Variants in STOX2 observed in about 807,000 individuals in gnomAD.
STOX2 encodes the protein storkhead box 2, also known as storkhead-box protein 2.
A neutral mutation model predicts 60.9 loss-of-function variants in STOX2; 28 were observed. The observed-to-expected ratio is 0.46, with a 90% CI of 0.34 to 0.63. The LOEUF (loss-of-function observed/expected upper bound fraction) is 0.63. STOX2 is among the 30% of genes least tolerant of loss of function. The pLI, the probability that STOX2 is intolerant of heterozygous loss-of-function variation, is 0.01. For synonymous variants in STOX2, 472 were observed against 463.9 expected, an observed-to-expected ratio of 1.02 and a Z score of -0.22; for missense variants, 1,024 against 1,187.7, an observed-to-expected ratio of 0.86 and a Z score of 2.03.
intron 1 of STOX2, among the ~76,000 whole-genome samples, chr4:183,833,899 G>T (rs10006756): frequency 1.7e-4 from 26 of 149,760 alleles, no homozygotes; most frequent in African/African-American, 5.9e-4. Flanking sequence ...GGAGAATGGC[G>T]TGAACCCGGG....
At chr4:183,891,598 G>A (rs1225157714) in intron 1 of STOX2, among the ~76,000 whole-genome samples, 3 of 151,342 alleles carry the variant, frequency 2.0e-5, no homozygotes, top group Non-Finnish European at 4.4e-5. Context: ...GGACTTTGGG[G>A]ACTTGGGAGG....
intron 1 of STOX2, among the ~76,000 whole-genome samples, chr4:183,971,437 T>C (rs1467197765): frequency 1.3e-5 from 2 of 152,202 alleles, no homozygotes; most frequent in Non-Finnish European, 2.9e-5. Flanking sequence ...CACCTAACAC[T>C]GATGACAAAG....
chr4:183,851,557 C>T (rs1173517624), intron 1 of STOX2, among the ~76,000 whole-genome samples: 1 of 21,252 alleles, frequency 4.7e-5, no homozygotes, highest in Non-Finnish European at 8.6e-5. Flanking sequence ...ATGAGAGAAA[C>T]GATGAGGGAA....
intron 1 of STOX2, among the ~76,000 whole-genome samples, chr4:183,833,783 C>A (rs1560837157): frequency 6.6e-6 from 1 of 151,338 alleles, no homozygotes; most frequent in African/African-American, 2.4e-5. Context: ...GAGATCGAGA[C>A]CATCCCGGCT....
At chr4:183,883,164 A>G (rs941288049) in intron 1 of STOX2, among the ~76,000 whole-genome samples, 1 of 152,146 alleles carries the variant, frequency 6.6e-6, no homozygotes, top group Non-Finnish European at 1.5e-5. Context: ...GCAAATCTAG[A>G]CATCATATTA....
chr4:183,808,893 T>TA (rs909929750), intron 1 of STOX2, among the ~76,000 whole-genome samples: 48 of 152,000 alleles, frequency 3.2e-4, no homozygotes, highest in Non-Finnish European at 2.4e-4. Flanking sequence ...GCTGATGAGC[T>TA]AAAAAAAATG....
chr4:183,970,010 G>T (rs1202212352), intron 1 of STOX2, among the ~76,000 whole-genome samples: 1 of 152,110 alleles, frequency 6.6e-6, no homozygotes, highest in African/African-American at 2.4e-5. Context: ...AAGTATAAAG[G>T]AGCTGATCCA....
intron 1 of STOX2, among the ~76,000 whole-genome samples, chr4:183,826,436 G>A (rs1296772060): frequency 1.3e-5 from 2 of 152,166 alleles, no homozygotes; most frequent in African/African-American, 4.8e-5. Flanking sequence ...ACTGGCCTTC[G>A]AGGCACAGTT....
At chr4:184,000,192 C>A (rs1355643503) in intron 1 of STOX2, among the ~76,000 whole-genome samples, 1 of 152,170 alleles carries the variant, frequency 6.6e-6, no homozygotes, top group Non-Finnish European at 1.5e-5. Flanking sequence ...GGGGCACCTC[C>A]ATCCCAGAAA....
At chr4:183,933,217 A>T (rs767037416) in intron 1 of STOX2, among the ~76,000 whole-genome samples, 2 of 152,208 alleles carry the variant, frequency 1.3e-5, no homozygotes, top group Non-Finnish European at 2.9e-5. Context: ...TTGTGGACAG[A>T]CACAAATACC....
intron 1 of STOX2, among the ~76,000 whole-genome samples, chr4:183,927,925 G>A (rs1047715324): frequency 1.3e-5 from 2 of 152,148 alleles, no homozygotes; most frequent in African/African-American, 4.8e-5. Flanking sequence ...CCAAGTGGCC[G>A]GGAAACAAAC....
Position 184,011,051 on chromosome 4 carries a change from G to A in STOX2, c.2213G>A (p.Arg738Gln), listed in dbSNP as rs200813680. Residue 738 changes from arginine to glutamine, a missense_variant, in exon 3 of 4, where the codon CGA becomes CAA. Around this residue, in one of 3 missense-constraint regions of STOX2, gnomAD observed 922 missense variants for 1,058.3 expected, o/e 0.87. Transcript: ENST00000308497. This position sits in a 1 kb window ranked among gnomAD's most constrained non-coding sequence, Gnocchi z 4.4. Reference sequence around the variant, plus strand: ...ACACCTGCTGACACATTGCCAGGCCGATGTGAGAAACTGGAACCGTCCCTG... The same window carrying A: ...ACACCTGCTGACACATTGCCAGGCCAATGTGAGAAACTGGAACCGTCCCTG... The part of the protein sequence containing the change: ...PKTPADTLPG[R>Q]CEKLEPSLGT... The A allele has an allele frequency of 3.2e-5, 51 of 1,611,556 alleles. No individual in the cohort carries two copies. The highest frequency in any genetic ancestry group is 9.3e-5 in the African/African-American group (7 of 74,878).
At position 184,009,091 on chromosome 4, in the gene STOX2, C is replaced by A; in HGVS notation, c.320-67C>A. On this transcript the variant is annotated intron_variant, in intron 2 of 3. Transcript: ENST00000308497. This position sits in a 1 kb window ranked among gnomAD's most constrained non-coding sequence, Gnocchi z 4.0. ...CGCATCTTGGCGAATGAATAGGATC[C>A]TGGAAATCAGGAATCCACATGTTCT... 1 of 1,253,700 alleles carries A rather than the reference C, an allele frequency of 8.0e-7. No homozygotes were observed. The highest frequency in any genetic ancestry group is 1.1e-6 in the Non-Finnish European group (1 of 917,876). 77.7% of individuals were successfully genotyped at this position (1,253,700 alleles called of 1,614,324 possible). A position where few individuals can be genotyped will look rare whatever the true frequency, so the allele number is the denominator to read the frequency against.
At chr4:183,816,832 G>T (rs879013080) in intron 1 of STOX2, among the ~76,000 whole-genome samples, 13 of 152,292 alleles carry the variant, frequency 8.5e-5, no homozygotes, top group Admixed American at 4.6e-4. Flanking sequence ...CCTCATTAAA[G>T]ATAGGCTCAT....
intron 1 of STOX2, among the ~76,000 whole-genome samples, chr4:183,874,306 C>T (rs1740762358): frequency 6.6e-6 from 1 of 152,114 alleles, no homozygotes; most frequent in Admixed American, 6.5e-5. Flanking sequence ...TGCCATTTTT[C>T]TTTGGTTGTG....
chr4:183,897,329 G>T (rs904474487), intron 1 of STOX2, among the ~76,000 whole-genome samples: 1 of 152,228 alleles, frequency 6.6e-6, no homozygotes, highest in African/African-American at 2.4e-5. Flanking sequence ...CTCTGTGAGA[G>T]CATGCCTGGG....
chr4:183,997,288 G>A (rs1222052282), intron 1 of STOX2, among the ~76,000 whole-genome samples: 1 of 152,104 alleles, frequency 6.6e-6, no homozygotes, highest in Non-Finnish European at 1.5e-5. Context: ...CCAGGCCAAG[G>A]GCACAAAAAA....
At chr4:183,892,072 C>T (rs1741229244) in intron 1 of STOX2, among the ~76,000 whole-genome samples, 1 of 152,212 alleles carries the variant, frequency 6.6e-6, no homozygotes. Context: ...TCATGTTTAA[C>T]CCCTGAGCTA....
In STOX2 at chr4:184,017,843, G is replaced by T. The variant is rs575308350; in HGVS notation, c.*559G>T. 1 of 152,230 alleles carries T rather than the reference G, an allele frequency of 6.6e-6. No individual in the cohort carries two copies. The highest frequency in any genetic ancestry group is 2.1e-4 in the South Asian group (1 of 4,820). 9.4% of individuals were successfully genotyped at this position (152,230 alleles called of 1,614,324 possible). A position where few individuals can be genotyped will look rare whatever the true frequency, so the allele number is the denominator to read the frequency against. On this transcript the variant is annotated 3_prime_UTR_variant, in exon 4 of 4. Coordinates refer to ENST00000308497, the MANE Select transcript of STOX2 (RefSeq NM_020225.3). ...GACCCCGGCCCTTTGTGTGTGAATT[G>T]TTTATGCACCAGTCATTTTTCACTG...
Sources: allele counts gnomAD v4.1 joint callset (sites outside exome capture counted in the v4.1 genomes callset), GRCh38; gene constraint gnomAD v4.1.1; regional missense constraint gnomAD v4.1.1; non-coding constraint Gnocchi (gnomAD v3.1); transcripts MANE v1.5; gene names NCBI Gene and HGNC (gene_info 2026-07-23, HGNC 2026-07-21).